The following NPNT variants were observed in gnomAD, a reference collection of about 807,000 sequenced individuals.
The protein encoded by NPNT is nephronectin.
NPNT carries 45 observed loss-of-function variants against 68.6 expected under a neutral mutation model. That is an observed-to-expected ratio of 0.66 (90% confidence interval 0.52 to 0.84). The LOEUF (loss-of-function observed/expected upper bound fraction) is 0.84. Ranked by LOEUF, NPNT falls within the 40% of genes least tolerant of loss-of-function variation. The probability of loss-of-function intolerance (pLI) is 0.00; values close to 1 mark genes in which losing one functional copy is unlikely to be tolerated. For synonymous variants in NPNT, 233 were observed against 253.3 expected, an observed-to-expected ratio of 0.92 and a Z score of 0.76; for missense variants, 672 against 714.8, an observed-to-expected ratio of 0.94 and a Z score of 0.68.
intron 3 of NPNT, among the ~76,000 whole-genome samples, chr4:105,930,705 C>T (rs1729044598): frequency 1.3e-5 from 2 of 152,142 alleles, no homozygotes; most frequent in South Asian, 4.1e-4. Context: ...GACAAGTATT[C>T]ACTGAGAATT....
chr4:105,952,420 A>C (rs190677174), intron 8 of NPNT, among the ~76,000 whole-genome samples: 72 of 152,320 alleles, frequency 4.7e-4, no homozygotes, highest in Non-Finnish European at 8.5e-4. Flanking sequence ...CATCATCTCA[A>C]CTTCTTTACT....
At chr4:105,927,245 T>C in intron 2 of NPNT, 91 bp from the exon 3 acceptor site, 1 of 757,618 alleles carries the variant, frequency 1.3e-6, no homozygotes, top group Non-Finnish European at 2.2e-6. Flanking sequence ...TAGTTTTTTT[T>C]CTTTTATTAT....
intron 9 of NPNT, 148 bp from the exon 10 acceptor site, chr4:105,958,875 TTAATG>T (rs1290672441): frequency 1.6e-6 from 1 of 607,068 alleles, no homozygotes; most frequent in African/African-American, 1.8e-5. Context: ...TGAGAAAAGA[TTAATG>T]TAATTTCCCT....
chr4:105,914,664 A>C (rs1463928840), intron 2 of NPNT, among the ~76,000 whole-genome samples: 1 of 151,540 alleles, frequency 6.6e-6, no homozygotes, highest in Non-Finnish European at 1.5e-5. Flanking sequence ...ATTCTGTGAG[A>C]GCATATCTTA....
rs759309231 is a variant in NPNT at position 105,967,262 on chromosome 4, C to T, written c.1420C>T (p.Arg474Cys). The part of the protein sequence containing the change: ...KAARLVLPLG[R>C]LMHSGDLCLS... ...TGCACGCTTGGTGCTACCTCTCGGC[C>T]GCCTCATGCATTCAGGGGACCTGTG... Residue 474 changes from arginine to cysteine, a missense_variant, in exon 11 of 12, where the codon CGC becomes TGC. Arg to Cys is a radical substitution (Grantham distance 180). Coordinates refer to ENST00000379987, the MANE Select transcript of NPNT (RefSeq NM_001033047.3). 3.7e-5 allele frequency: 59 copies of T among 1,613,902 alleles called. No individual in the cohort carries two copies. The highest frequency in any genetic ancestry group is 6.6e-5 in the South Asian group (6 of 91,074).
At chr4:105,919,438 TAAAC>T (rs1268588780) in intron 2 of NPNT, among the ~76,000 whole-genome samples, 8 of 152,182 alleles carry the variant, frequency 5.3e-5, no homozygotes, top group Admixed American at 3.9e-4. Flanking sequence ...TGCTATGTAA[TAAAC>T]AATCCATATT....
chr4:105,898,385 ACTCGCTTG>A (rs1726128792), intron 2 of NPNT, among the ~76,000 whole-genome samples: 1 of 68,628 alleles, frequency 1.5e-5, no homozygotes, highest in Admixed American at 1.7e-4. Context: ...TCTCTCGCTG[ACTCGCTTG>A]CTCCAGGCTG....
chr4:105,952,598 A>G (rs1326879757), intron 8 of NPNT, among the ~76,000 whole-genome samples: 1 of 152,240 alleles, frequency 6.6e-6, no homozygotes, highest in African/African-American at 2.4e-5. Context: ...AGAAAATCTG[A>G]TTTAGTAAAT....
chr4:105,896,471 A>G (rs1399028277), intron 1 of NPNT, among the ~76,000 whole-genome samples: 1 of 152,090 alleles, frequency 6.6e-6, no homozygotes, highest in African/African-American at 2.4e-5. Flanking sequence ...TGTGTGAGAG[A>G]CACTGGGTCT....
Position 105,968,985 on chromosome 4 carries a change from C to T in NPNT, c.1693C>T (p.Arg565Cys), listed in dbSNP as rs147786422. The change falls in exon 12 of 12, where the codon CGC (arginine) becomes TGC (cysteine). Residue 565 changes from arginine to cysteine, a missense_variant. Coordinates refer to ENST00000379987, the MANE Select transcript of NPNT (RefSeq NM_001033047.3). ...SLKKGHCSEE[R>C] ...GAAAAAAGGCCACTGCTCTGAAGAA[C>T]GCTAACAACTCCAGAACTAACAATG... 3.1e-5 allele frequency: 46 copies of T among 1,493,414 alleles called. 1 individual carries two copies. In the African/African-American group the frequency reaches 3.4e-4, roughly 11 times the overall value. The allele number at this position is 1,493,414 out of a possible 1,614,324, so 92.5% of individuals were successfully genotyped here.
intron 2 of NPNT, among the ~76,000 whole-genome samples, chr4:105,924,049 C>G (rs528116962): frequency 6.6e-6 from 1 of 151,164 alleles, no homozygotes; most frequent in East Asian, 1.9e-4. Flanking sequence ...GCCCCCCCCC[C>G]ACCACTTTGC....
chr4:105,962,865 GTGTGTA>G (rs141885134), intron 10 of NPNT, among the ~76,000 whole-genome samples: 4 of 129,556 alleles, frequency 3.1e-5, no homozygotes, highest in Non-Finnish European at 5.1e-5. Flanking sequence ...GTGTGTGTGT[GTGTGTA>G]TGTGTGTGTG....
intron 2 of NPNT, among the ~76,000 whole-genome samples, chr4:105,905,382 A>G (rs746222328): frequency 1.3e-5 from 2 of 152,198 alleles, no homozygotes; most frequent in African/African-American, 4.8e-5. Context: ...AAGTATTTCT[A>G]ACTTTCCTGT....
At chr4:105,931,730 C>G (rs939671739) in intron 3 of NPNT, among the ~76,000 whole-genome samples, 1 of 150,412 alleles carries the variant, frequency 6.6e-6, no homozygotes, top group African/African-American at 2.4e-5. Flanking sequence ...GTTCCAGCTA[C>G]TCGGGAGGCT....
At chr4:105,898,328 GTCTCTCTCTCTCTCTCTC>G (rs66945682) in intron 2 of NPNT, among the ~76,000 whole-genome samples, 21 of 53,984 alleles carry the variant, frequency 3.9e-4, no homozygotes, top group East Asian at 9.5e-4. Flanking sequence ...CTCTCTCTCT[GTCTCTCTCTCTCTCTCTC>G]TCTCTCTCTC....
chr4:105,952,407 C>G (rs1280302131), intron 8 of NPNT, among the ~76,000 whole-genome samples: 1 of 152,142 alleles, frequency 6.6e-6, no homozygotes, highest in Non-Finnish European at 1.5e-5. Flanking sequence ...AAAATAGAGA[C>G]CACATCATCT....
At chr4:105,968,165 G>A (rs1192425547) in intron 11 of NPNT, among the ~76,000 whole-genome samples, 2 of 152,138 alleles carry the variant, frequency 1.3e-5, no homozygotes, top group Admixed American at 6.5e-5. Context: ...TGTAGGTATA[G>A]TTTATAAGAA....
rs189988104 is a variant in NPNT, at chr4:105,936,537, A to G, written c.266-472A>G. Among the ~76,000 whole-genome samples the G allele has an allele frequency of 2.2e-3, 335 of 152,376 alleles. 1 individual carries two copies. The highest frequency in any genetic ancestry group is 3.6e-3 in the Non-Finnish European group (246 of 68,040). On this transcript the variant is annotated intron_variant, in intron 3 of 11. Transcript: ENST00000379987. ...CAAAGTCCAAGCCTTAAGGAGGCCA[A>G]TGCCTTATCCATTTAAAGTAAAATA...
chr4:105,961,830 A>G (rs1731740867), intron 10 of NPNT, among the ~76,000 whole-genome samples: 1 of 152,206 alleles, frequency 6.6e-6, no homozygotes, highest in Non-Finnish European at 1.5e-5. Context: ...AACTTAGATA[A>G]ATAGGACATT....
Sources: allele counts gnomAD v4.1 joint callset (sites outside exome capture counted in the v4.1 genomes callset), GRCh38; gene constraint gnomAD v4.1.1; transcripts MANE v1.5; gene names NCBI Gene and HGNC (gene_info 2026-07-23, HGNC 2026-07-21).